Variants in RBPJ observed in about 807,000 individuals in gnomAD.
RBPJ encodes recombination signal binding protein for immunoglobulin kappa J region, also known as recombining binding protein suppressor of hairless.
Under a neutral mutation model 67.8 loss-of-function variants are expected in RBPJ, and 9 were observed. The ratio of observed to expected loss-of-function variants is 0.13; its 90% confidence interval spans 0.08 to 0.23. RBPJ has a LOEUF of 0.23. Ranked by LOEUF, RBPJ falls within the 10% of genes least tolerant of loss-of-function variation. The pLI is 1.00. For missense variants in RBPJ, 305 were observed against 595.6 expected, an observed-to-expected ratio of 0.51 and a Z score of 5.08; for synonymous variants, 198 against 203.3, an observed-to-expected ratio of 0.97 and a Z score of 0.22.
In RBPJ at chr4:26,264,806, C is replaced by T. The variant is rs1720653452; in HGVS notation, c.-166-97640C>T. Among the ~76,000 whole-genome samples the T allele has an allele frequency of 1.3e-5, 2 of 152,328 alleles. No individual in the cohort carries two copies. The highest frequency in any genetic ancestry group is 3.9e-4 in the East Asian group (2 of 5,192). Reference sequence around the variant, plus strand: ...ATAACCCTCTGCCTACCGTAGCAGGCATTTTATGGTTTGCCTTAAGTTATT... The same window carrying T: ...ATAACCCTCTGCCTACCGTAGCAGGTATTTTATGGTTTGCCTTAAGTTATT... On this transcript the variant is annotated intron_variant, in intron 1 of 4. Transcript: ENST00000512351. The surrounding 1 kb of genome is among the most constrained non-coding windows in gnomAD (Gnocchi z 4.1).
In RBPJ at chr4:26,215,233, GAGAA is replaced by G. The variant is rs1406154375; in HGVS notation, c.-167+51630_-167+51633del. 3.0e-4 allele frequency among the ~76,000 whole-genome samples: 20 copies of G among 66,740 alleles called. 5 individuals carry two copies. Among genetic ancestry groups the G allele is most frequent in the Middle Eastern group, 9.8e-3 (1 of 102 alleles). The allele number at this position is 66,740 out of a possible 152,430, so 43.8% of individuals were successfully genotyped here. A position where few individuals can be genotyped will look rare whatever the true frequency, so the allele number is the denominator to read the frequency against. On this transcript the variant is annotated intron_variant, in intron 1 of 4. Transcript: ENST00000512351. ...AAGAAAGAGAAAAAGAGAGAAAAGAGAGAAAGAAAGAAAGTAAGAAAGAAAGGAA... is the reference window on the plus strand; with the variant it reads ...AAGAAAGAGAAAAAGAGAGAAAAGAGAGAAAGAAAGTAAGAAAGAAAGGAA...
At chr4:26,139,303 C>A in the RBPJ span, among the ~76,000 whole-genome samples, 7 of 152,188 alleles carry the variant, frequency 4.6e-5, no homozygotes, top group East Asian at 1.9e-4. Flanking sequence ...TAGTGCCCAG[C>A]CCATTGTTGA....
intron 4 of RBPJ, among the ~76,000 whole-genome samples, chr4:26,419,724 A>G (rs1734941125): frequency 6.6e-6 from 1 of 152,182 alleles, no homozygotes. Context: ...TCCCTGATTC[A>G]CAGGGATCAA....
chr4:26,226,784 T>C (rs1719090119), intron 1 of RBPJ, among the ~76,000 whole-genome samples: 1 of 152,222 alleles, frequency 6.6e-6, no homozygotes, highest in South Asian at 2.1e-4. Flanking sequence ...AAGTGAGGGT[T>C]ACCATGGATA....
chr4:26,405,494 A>G (rs982804863), intron 2 of RBPJ, among the ~76,000 whole-genome samples: 1 of 152,202 alleles, frequency 6.6e-6, no homozygotes, highest in Non-Finnish European at 1.5e-5. Flanking sequence ...CTTTGTATAG[A>G]CCATTTGCTC....
Position 26,216,220 on chromosome 4 carries a change from G to A in RBPJ, c.-167+52606G>A, listed in dbSNP as rs1718719394. Among the ~76,000 whole-genome samples, 4 of 152,156 alleles carry A rather than the reference G, an allele frequency of 2.6e-5. No individual in the cohort carries two copies. The South Asian group carries it at 8.3e-4, about 32-fold the overall frequency. ...GGATAATCTAAGATGACTTTATCAG[G>A]ATATCTTTAAGTTAATTACTCCTGC... On this transcript the variant is annotated intron_variant, in intron 1 of 4. Transcript: ENST00000512351.
chr4:26,154,568 C>A, the RBPJ span, among the ~76,000 whole-genome samples: 10,509 of 152,166 alleles, frequency 0.069, 426 homozygotes, highest in Middle Eastern at 0.12. Flanking sequence ...CACATCTGTT[C>A]TCAGGAACAT....
At chr4:26,194,596 G>C (rs1313950812) in intron 1 of RBPJ, among the ~76,000 whole-genome samples, 2 of 152,194 alleles carry the variant, frequency 1.3e-5, no homozygotes, top group South Asian at 4.1e-4. Flanking sequence ...CATCCCCCCA[G>C]AACAGATTTC....
intron 1 of RBPJ, among the ~76,000 whole-genome samples, chr4:26,360,525 A>G (rs568488384): frequency 1.3e-5 from 2 of 151,978 alleles, no homozygotes; most frequent in Non-Finnish European, 2.9e-5. Flanking sequence ...TTGGGACCTC[A>G]CAGCATAAAG....
At chr4:26,299,043 G>A (rs371807223) in intron 1 of RBPJ, among the ~76,000 whole-genome samples, 8 of 152,180 alleles carry the variant, frequency 5.3e-5, no homozygotes, top group African/African-American at 1.7e-4. Context: ...GTTTCTCTCC[G>A]ATTCCAAAAG....
chr4:26,266,701 CA>C (rs1479552759), intron 1 of RBPJ, among the ~76,000 whole-genome samples: 1 of 152,034 alleles, frequency 6.6e-6, no homozygotes, highest in Non-Finnish European at 1.5e-5. Context: ...GCTGTTTTCT[CA>C]AATGTTAAGG....
intron 1 of RBPJ, among the ~76,000 whole-genome samples, chr4:26,251,240 A>G (rs1051552528): frequency 2.0e-5 from 3 of 152,226 alleles, no homozygotes; most frequent in Non-Finnish European, 4.4e-5. Context: ...AAGTTTGCCA[A>G]AATTTCACAC....
the RBPJ span, chr4:26,113,531 A>G: frequency 1.9e-6 from 1 of 525,514 alleles, no homozygotes; most frequent in Non-Finnish European, 3.8e-6. Flanking sequence ...TGCGAAGTCA[A>G]AGCTCACTGA....
chr4:26,233,450 T>C (rs1036718485), intron 1 of RBPJ, among the ~76,000 whole-genome samples: 5 of 152,250 alleles, frequency 3.3e-5, no homozygotes, highest in Non-Finnish European at 7.3e-5. Context: ...CAGAAAATCA[T>C]ATACCCTGAT....
chr4:26,285,705 G>A (rs1001306666), intron 1 of RBPJ, among the ~76,000 whole-genome samples: 2 of 132,624 alleles, frequency 1.5e-5, no homozygotes, highest in Non-Finnish European at 3.1e-5. Flanking sequence ...AAAAAAAAGT[G>A]GCACATTATC....
At chr4:26,249,022 A>G (rs1720012787) in intron 1 of RBPJ, among the ~76,000 whole-genome samples, 1 of 152,186 alleles carries the variant, frequency 6.6e-6, no homozygotes, top group Admixed American at 6.6e-5. Context: ...CAAAATATGA[A>G]TTGTCATCTT....
chr4:26,226,556 A>T (rs747911874), intron 1 of RBPJ, among the ~76,000 whole-genome samples: 3 of 152,224 alleles, frequency 2.0e-5, no homozygotes, highest in Non-Finnish European at 4.4e-5. Context: ...CAATTTCCTC[A>T]GTTCTAAAAT....
intron 2 of RBPJ, among the ~76,000 whole-genome samples, chr4:26,404,903 C>G (rs1005510847): frequency 2.0e-5 from 3 of 152,208 alleles, no homozygotes; most frequent in Non-Finnish European, 4.4e-5. Context: ...CCTTTACCAT[C>G]TACCCCTGTC....
chr4:26,327,527 A>G (rs1723753872), intron 1 of RBPJ, among the ~76,000 whole-genome samples: 1 of 150,766 alleles, frequency 6.6e-6, no homozygotes, highest in Non-Finnish European at 1.5e-5. Context: ...CTAGAGAATC[A>G]AGTTGACCCT....
Sources: gnomAD v4.1 joint callset for allele counts (sites outside exome capture counted in the v4.1 genomes callset) on GRCh38, gnomAD v4.1.1 for gene constraint, Gnocchi (gnomAD v3.1) non-coding constraint, MANE v1.5 for transcripts, NCBI Gene and HGNC (gene_info 2026-07-23, HGNC 2026-07-21) for gene names.